Variants in SCHIP1 observed in about 807,000 individuals in gnomAD.
The protein encoded by SCHIP1 is schwannomin-interacting protein 1.
A neutral mutation model predicts 29.7 loss-of-function variants in SCHIP1; 8 were observed. The observed-to-expected ratio is 0.27, with a 90% CI of 0.16 to 0.49. The LOEUF is 0.49. SCHIP1 is among the 20% of genes least tolerant of loss of function. SCHIP1 has a pLI of 0.99. For missense variants in SCHIP1, 193 were observed against 294.6 expected (o/e 0.66, Z 2.52); for synonymous variants, 76 against 94.9 (o/e 0.80, Z 1.16).
At chr3:159,498,758 C>T in the SCHIP1 span, among the ~76,000 whole-genome samples, 28 of 152,034 alleles carry the variant, frequency 1.8e-4, no homozygotes, top group Admixed American at 1.1e-3. Context: ...AAATTACTAA[C>T]GAAAAGAGAA....
chr3:159,279,130 T>A, the SCHIP1 span, among the ~76,000 whole-genome samples: 1 of 152,200 alleles, frequency 6.6e-6, no homozygotes, highest in African/African-American at 2.4e-5. Flanking sequence ...CCTTGAATTG[T>A]AGCTCCCATA....
the SCHIP1 span, among the ~76,000 whole-genome samples, chr3:159,796,338 A>G: frequency 6.6e-6 from 1 of 152,008 alleles, no homozygotes; most frequent in Non-Finnish European, 1.5e-5. Flanking sequence ...ATCAGAAGCT[A>G]GGGGGAGAGG....
the SCHIP1 span, chr3:159,764,919 G>A: frequency 1.2e-5 from 18 of 1,521,544 alleles, no homozygotes; most frequent in Non-Finnish European, 1.5e-5. The surrounding 1 kb of genome is among the most constrained non-coding windows in gnomAD (Gnocchi z 6.1). Flanking sequence ...GCCCCCGCCG[G>A]GCGATCCAAA....
At chr3:159,887,986 A>T (rs1438558917) in intron 4 of SCHIP1, 81 bp downstream of exon 5, 1 of 1,546,760 alleles carries the variant, frequency 6.5e-7, no homozygotes, top group Non-Finnish European at 8.8e-7. Context: ...TCCCAGAATT[A>T]TGCAAACTTG....
At chr3:159,843,013 T>C (rs1486618680) in intron 1 of SCHIP1, among the ~76,000 whole-genome samples, 2 of 54,878 alleles carry the variant, frequency 3.6e-5, no homozygotes, top group African/African-American at 1.5e-4. Flanking sequence ...TTTTTTTTTT[T>C]TTTTTTTTTT....
At chr3:159,767,030 T>C in the SCHIP1 span, among the ~76,000 whole-genome samples, 1 of 152,224 alleles carries the variant, frequency 6.6e-6, no homozygotes, top group African/African-American at 2.4e-5. Flanking sequence ...CCCCTTCTGG[T>C]CATTTCCTCT....
At chr3:159,428,885 T>C in the SCHIP1 span, among the ~76,000 whole-genome samples, 1 of 152,220 alleles carries the variant, frequency 6.6e-6, no homozygotes, top group Admixed American at 6.5e-5. Context: ...GATGAGTTCA[T>C]GTCCTTTGTA....
At chr3:159,886,607 A>G (rs2109438679) in intron 3 of SCHIP1, 1 of 296,736 alleles carries the variant, frequency 3.4e-6, no homozygotes. Flanking sequence ...ATAAAAAAAT[A>G]CAAACATTAG....
At chr3:159,333,868 G>T in the SCHIP1 span, among the ~76,000 whole-genome samples, 37 of 152,226 alleles carry the variant, frequency 2.4e-4, no homozygotes, top group African/African-American at 8.9e-4. Context: ...AATTTAGGAG[G>T]TGATTAATTA....
intron 1 of SCHIP1, among the ~76,000 whole-genome samples, chr3:159,860,014 T>TCTGTCTGTCTGTCTGC (rs529416412): frequency 1.7e-3 from 260 of 152,082 alleles, no homozygotes; most frequent in African/African-American, 6.0e-3. Context: ...TGTGTGTCTG[T>TCTGTCTGTCTGTCTGC]CTGTCTGTCT....
chr3:159,434,679 A>G, the SCHIP1 span, among the ~76,000 whole-genome samples: 1 of 152,186 alleles, frequency 6.6e-6, no homozygotes. Context: ...TCTACTTTAG[A>G]TCATCTAAGA....
intron 5 of SCHIP1, among the ~76,000 whole-genome samples, chr3:159,889,865 G>C (rs34879967): frequency 6.6e-6 from 1 of 152,164 alleles, no homozygotes; most frequent in African/African-American, 2.4e-5. Flanking sequence ...GGGAGGCCGA[G>C]GTGGGCAGAT....
At chr3:159,375,757 TAAAC>T in the SCHIP1 span, 1,537 of 882,344 alleles carry the variant, frequency 1.7e-3, 3 homozygotes, top group Non-Finnish European at 2.0e-3. Flanking sequence ...AATAAATAAA[TAAAC>T]TGTTTGATAC....
the SCHIP1 span, among the ~76,000 whole-genome samples, chr3:159,280,052 G>A: frequency 1.3e-5 from 2 of 152,288 alleles, no homozygotes; most frequent in South Asian, 2.1e-4. Flanking sequence ...CTATAATGGG[G>A]GGTAGAGTCC....
At chr3:159,775,858 T>A in the SCHIP1 span, among the ~76,000 whole-genome samples, 5 of 152,188 alleles carry the variant, frequency 3.3e-5, no homozygotes, top group Non-Finnish European at 7.4e-5. Flanking sequence ...AATGAGGTAA[T>A]TTCCTCATAA....
the SCHIP1 span, among the ~76,000 whole-genome samples, chr3:159,426,315 G>A: frequency 6.6e-6 from 1 of 151,906 alleles, no homozygotes. Context: ...AAAGAGAGAA[G>A]AATCAAATAG....
At chr3:159,390,460 T>G in the SCHIP1 span, among the ~76,000 whole-genome samples, 1 of 152,084 alleles carries the variant, frequency 6.6e-6, no homozygotes, top group Non-Finnish European at 1.5e-5. Context: ...CTGTGTCATC[T>G]TATCTCAAGG....
At chr3:159,555,375 C>T in the SCHIP1 span, among the ~76,000 whole-genome samples, 1 of 152,104 alleles carries the variant, frequency 6.6e-6, no homozygotes, top group Non-Finnish European at 1.5e-5. Flanking sequence ...GCCCTAGATA[C>T]ATTTTCTTTT....
At chr3:159,289,049 C>G in the SCHIP1 span, among the ~76,000 whole-genome samples, 1 of 152,184 alleles carries the variant, frequency 6.6e-6, no homozygotes, top group African/African-American at 2.4e-5. Flanking sequence ...AATCAACCAC[C>G]AAGTCTTGTT....
Sources: gnomAD v4.1 joint callset for allele counts (sites outside exome capture counted in the v4.1 genomes callset) on GRCh38, gnomAD v4.1.1 for gene constraint, Gnocchi (gnomAD v3.1) non-coding constraint, MANE v1.5 for transcripts, NCBI Gene and HGNC (gene_info 2026-07-23, HGNC 2026-07-21) for gene names.